Variants in ADAM32 observed in about 807,000 individuals in gnomAD.
ADAM32 encodes the protein ADAM metallopeptidase domain 32.
A neutral mutation model predicts 114.9 loss-of-function variants in ADAM32; 89 were observed. That is an observed-to-expected ratio of 0.77 (90% CI 0.65 to 0.92). The LOEUF (loss-of-function observed/expected upper bound fraction) is 0.92, where lower values mean the gene tolerates loss of function less well. Ranked by LOEUF, ADAM32 falls within the 40% of genes least tolerant of loss-of-function variation. The probability of loss-of-function intolerance (pLI) is 0.00; values close to 1 mark genes in which losing one functional copy is unlikely to be tolerated. For synonymous variants in ADAM32, 285 were observed against 307.5 expected (o/e 0.93, Z 0.77); for missense variants, 870 against 932.8 (o/e 0.93, Z 0.88).
At position 39,254,465 on chromosome 8, in the gene ADAM32, A is replaced by G; in HGVS notation, c.1954A>G (p.Asn652Asp). The G allele has an allele frequency of 6.2e-7, 1 of 1,602,974 alleles. No individual in the cohort carries two copies. Among genetic ancestry groups the G allele is most frequent in the Non-Finnish European group, 8.5e-7 (1 of 1,174,166 alleles). ...TTGTTCGCCAGGCTATAAGCCTCCA[A>G]ACTGCCAAATACGTTCCAAAGGATT... ...CHCSPGYKPP[N>D]CQIRSKGFSI... The change falls in exon 18 of 25, where the codon AAC becomes GAC. Residue 652 changes from asparagine (N) to aspartate (D), a missense_variant. Transcript: ENST00000379907.
chr8:39,125,689 T>A (rs1259620903), intron 2 of ADAM32, among the ~76,000 whole-genome samples: 1 of 152,172 alleles, frequency 6.6e-6, no homozygotes, highest in Non-Finnish European at 1.5e-5. Context: ...TTAGATCCCA[T>A]TTGTTAATTT....
chr8:39,205,529 G>A (rs778453249), intron 11 of ADAM32, among the ~76,000 whole-genome samples: 3 of 152,192 alleles, frequency 2.0e-5, no homozygotes, highest in Admixed American at 6.5e-5. Flanking sequence ...TCACAGCTTC[G>A]CTTGGTTAGG....
At chr8:39,107,909 C>T in intron 1 of ADAM32, 76 bp downstream of exon 1, 1 of 1,445,844 alleles carries the variant, frequency 6.9e-7, no homozygotes, top group Non-Finnish European at 9.1e-7. Flanking sequence ...AGCCCGGGGC[C>T]CTCCCTGTCT....
At chr8:39,160,818 G>A in intron 6 of ADAM32, 79 bp from the exon 7 acceptor site, 3 of 1,199,574 alleles carry the variant, frequency 2.5e-6, no homozygotes, top group South Asian at 3.0e-5. Flanking sequence ...AAGTGCTGTG[G>A]TATTAGCTTT....
At chr8:39,161,997 AT>A (rs200539970) in intron 7 of ADAM32, among the ~76,000 whole-genome samples, 1 of 24,824 alleles carries the variant, frequency 4.0e-5, no homozygotes, top group African/African-American at 1.0e-4. Flanking sequence ...TTTTTATTTT[AT>A]TTTATATATA....
At chr8:39,185,346 A>AAAAAAAC (rs140960321) in intron 10 of ADAM32, among the ~76,000 whole-genome samples, 69,802 of 146,234 alleles carry the variant, frequency 0.48, 17,123 homozygotes, top group African/African-American at 0.57. Context: ...AGTCTACAAA[A>AAAAAAAC]AAAAAACAAA....
At chr8:39,134,283 C>A (rs994454213) in intron 2 of ADAM32, among the ~76,000 whole-genome samples, 1 of 151,896 alleles carries the variant, frequency 6.6e-6, no homozygotes, top group African/African-American at 2.4e-5. Context: ...AGTGTGAATT[C>A]CCAGTCTGAA....
Position 39,165,150 on chromosome 8 carries a change from CAATCTT to C in ADAM32, c.789_794del (p.Gln263_Tyr265delinsHis). ...ATTGCAAAAATTTTTAGAATGGAAA[CAATCTT>C]ATCTTAACCTAAGGCCTCATGATAT... On this transcript the variant is annotated inframe_deletion, in exon 9 of 25. Transcript: ENST00000379907. 1 of 1,598,680 alleles carries C rather than the reference CAATCTT, an allele frequency of 6.3e-7. No homozygotes were observed. Among genetic ancestry groups the C allele is most frequent in the Non-Finnish European group, 8.6e-7 (1 of 1,168,364 alleles).
In ADAM32 at chr8:39,117,436, A is replaced by G. The variant is rs764452294; in HGVS notation, c.59-650A>G. Among the ~76,000 whole-genome samples, 4 of 151,868 alleles carry G rather than the reference A, an allele frequency of 2.6e-5. 1 individual carries two copies. The Middle Eastern group carries it at 0.01, about 395-fold the overall frequency. On this transcript the variant is annotated intron_variant, in intron 1 of 24. Coordinates refer to ENST00000379907, the MANE Select transcript of ADAM32 (RefSeq NM_145004.7). Reference sequence around the variant, plus strand: ...AATGTCTCTGACTTTTGTGGTAGACACATGTGAACTTTTTTTTTTTGAGTT... The same window carrying G: ...AATGTCTCTGACTTTTGTGGTAGACGCATGTGAACTTTTTTTTTTTGAGTT...
At chr8:39,216,192 T>C (rs1399498110) in intron 12 of ADAM32, among the ~76,000 whole-genome samples, 1 of 152,082 alleles carries the variant, frequency 6.6e-6, no homozygotes, top group African/African-American at 2.4e-5. Context: ...TTGAAATGTG[T>C]TTTGTCGGAT....
chr8:39,268,184 A>G (rs987530145), intron 19 of ADAM32, among the ~76,000 whole-genome samples: 10 of 152,232 alleles, frequency 6.6e-5, no homozygotes, highest in Non-Finnish European at 1.3e-4. Flanking sequence ...TGTTTTCCAA[A>G]GTGGTTTTGT....
At position 39,274,628 on chromosome 8, in the gene ADAM32, T is replaced by A. The variant is rs188289752; in HGVS notation, c.2240+278T>A. Among the ~76,000 whole-genome samples the A allele has an allele frequency of 7.6e-4, 115 of 152,294 alleles. 1 individual carries two copies. The highest frequency in any genetic ancestry group is 1.5e-3 in the Non-Finnish European group (103 of 68,026). ...GTATAATTAGTAAAGAAAAAGAATG[T>A]ATAGGGCCTAGAAGTTACCCAGCTG... On this transcript the variant is annotated intron_variant, in intron 21 of 24. Coordinates refer to ENST00000379907, the MANE Select transcript of ADAM32 (RefSeq NM_145004.7).
At chr8:39,212,318 AT>A (rs1023810781) in intron 12 of ADAM32, among the ~76,000 whole-genome samples, 4 of 152,078 alleles carry the variant, frequency 2.6e-5, no homozygotes, top group East Asian at 1.9e-4. Flanking sequence ...CTGGTTCTTG[AT>A]TTTTTTTAAA....
intron 10 of ADAM32, among the ~76,000 whole-genome samples, chr8:39,171,464 C>A (rs1403776682): frequency 6.6e-6 from 1 of 151,996 alleles, no homozygotes; most frequent in Non-Finnish European, 1.5e-5. Flanking sequence ...GTTACTGTAG[C>A]TCTCTCTATA....
intron 3 of ADAM32, among the ~76,000 whole-genome samples, chr8:39,142,499 ATT>A (rs1395467034): frequency 6.6e-6 from 1 of 152,170 alleles, no homozygotes; most frequent in Non-Finnish European, 1.5e-5. Flanking sequence ...TGGGTTGAAA[ATT>A]CTTTTCTTTA....
intron 24 of ADAM32, among the ~76,000 whole-genome samples, chr8:39,284,376 CGT>C (rs1245145963): frequency 9.8e-5 from 14 of 143,546 alleles, no homozygotes; most frequent in African/African-American, 4.1e-4. Context: ...CACACACACA[CGT>C]ACACACACAC....
In ADAM32 at chr8:39,124,705, G is replaced by A. The variant is rs779486576; in HGVS notation, c.138+6540G>A. Among the ~76,000 whole-genome samples the A allele has an allele frequency of 7.2e-5, 11 of 152,214 alleles. No individual in the cohort carries two copies. In the East Asian group the frequency reaches 1.2e-3, roughly 16 times the overall value. ...GCTGAGATTACAGGCATAAGCCACC[G>A]CGCCCAGCCAATATACTACATTTTC... On this transcript the variant is annotated intron_variant, in intron 2 of 24. Coordinates refer to ENST00000379907, the MANE Select transcript of ADAM32 (RefSeq NM_145004.7).
At chr8:39,158,061 C>T in intron 6 of ADAM32, 1 of 252,526 alleles carries the variant, frequency 4.0e-6, no homozygotes, top group South Asian at 5.9e-5. Flanking sequence ...TGCCCTTGGT[C>T]ACCCGTTTGA....
chr8:39,146,477 C>A (rs1235740447), intron 3 of ADAM32, among the ~76,000 whole-genome samples: 5 of 139,484 alleles, frequency 3.6e-5, no homozygotes, highest in Admixed American at 3.0e-4. Context: ...GTGGTGTGAT[C>A]TCAGCTCACT....
Sources: allele counts gnomAD v4.1 joint callset (sites outside exome capture counted in the v4.1 genomes callset), GRCh38; gene constraint gnomAD v4.1.1; transcripts MANE v1.5; gene names NCBI Gene and HGNC (gene_info 2026-07-23, HGNC 2026-07-21).